RALYL: variants seen among roughly 807,000 people sequenced by gnomAD.
The protein encoded by RALYL is RALY RNA binding protein like, also known as RNA-binding Raly-like protein.
Under a neutral mutation model 35.1 loss-of-function variants are expected in RALYL, and 29 were observed. That is an observed-to-expected ratio of 0.83 (90% CI 0.61 to 1.13). RALYL has a LOEUF of 1.13. RALYL is among the 50% of genes most tolerant of loss of function. The pLI is 0.00. For missense variants in RALYL, 359 were observed against 360.4 expected (o/e 1.00, Z 0.03); for synonymous variants, 120 against 127.6 (o/e 0.94, Z 0.40).
At position 84,228,747 on chromosome 8, in the gene RALYL, G is replaced by T. The variant is rs200714662; in HGVS notation, c.-24+44323G>T. 2.6e-5 allele frequency among the ~76,000 whole-genome samples: 4 copies of T among 152,282 alleles called. No individual in the cohort carries two copies. The East Asian group carries it at 7.7e-4, about 29-fold the overall frequency. On this transcript the variant is annotated intron_variant, in intron 1 of 8. Transcript: ENST00000521268. ...CTCACAGATCTGCATGGCTTGGGAG[G>T]CCTCAGGACACCTACGGTCATGGCA...
At chr8:84,425,038 C>T (rs1343806768) in intron 1 of RALYL, among the ~76,000 whole-genome samples, 1 of 152,208 alleles carries the variant, frequency 6.6e-6, no homozygotes, top group Non-Finnish European at 1.5e-5. Context: ...GTGGAGCCTA[C>T]AGAGGCAGGC....
chr8:84,375,487 C>T (rs182490438), intron 1 of RALYL, among the ~76,000 whole-genome samples: 1 of 151,606 alleles, frequency 6.6e-6, no homozygotes, highest in African/African-American at 2.4e-5. Context: ...GTATTTTATA[C>T]CTAATTTAAT....
chr8:84,351,292 C>T (rs1019629666), intron 1 of RALYL, among the ~76,000 whole-genome samples: 1 of 150,058 alleles, frequency 6.7e-6, no homozygotes, highest in African/African-American at 2.5e-5. Flanking sequence ...TTTTCTGAAA[C>T]TGTCATGATA....
chr8:84,365,013 T>A (rs781368996), intron 1 of RALYL, among the ~76,000 whole-genome samples: 4 of 152,158 alleles, frequency 2.6e-5, no homozygotes, highest in Non-Finnish European at 5.9e-5. Context: ...CCTATGGGAA[T>A]GATAGACGCT....
At chr8:84,202,345 T>C (rs1408482704) in intron 1 of RALYL, among the ~76,000 whole-genome samples, 2 of 151,364 alleles carry the variant, frequency 1.3e-5, no homozygotes, top group East Asian at 3.9e-4. Flanking sequence ...CATGTATAAG[T>C]ATTATATGAT....
intron 3 of RALYL, among the ~76,000 whole-genome samples, chr8:84,804,343 C>G (rs1458537145): frequency 6.6e-6 from 1 of 152,182 alleles, no homozygotes; most frequent in African/African-American, 2.4e-5. Flanking sequence ...TATGCTGCTT[C>G]TCTCTTCTGA....
intron 2 of RALYL, among the ~76,000 whole-genome samples, chr8:84,717,110 C>G (rs1843063962): frequency 6.6e-6 from 1 of 152,200 alleles, no homozygotes; most frequent in Non-Finnish European, 1.5e-5. Context: ...TTGCTTGAAC[C>G]CAGGAGGCGG....
chr8:84,846,653 T>C (rs1834732317), intron 4 of RALYL, among the ~76,000 whole-genome samples: 1 of 152,202 alleles, frequency 6.6e-6, no homozygotes, highest in African/African-American at 2.4e-5. Context: ...TGAGCTTTTA[T>C]TGATTGGTAG....
intron 2 of RALYL, among the ~76,000 whole-genome samples, chr8:84,725,348 T>A (rs1183712712): frequency 6.6e-6 from 1 of 151,728 alleles, no homozygotes; most frequent in Non-Finnish European, 1.5e-5. Context: ...AAATTTGATT[T>A]GTGGTAATGG....
chr8:84,687,444 G>A (rs933249605), intron 2 of RALYL, among the ~76,000 whole-genome samples: 1 of 152,008 alleles, frequency 6.6e-6, no homozygotes, highest in Non-Finnish European at 1.5e-5. Context: ...CAACTGATTA[G>A]GTTAATTGAT....
chr8:84,579,423 G>A (rs1009746724), intron 2 of RALYL, among the ~76,000 whole-genome samples: 2 of 152,174 alleles, frequency 1.3e-5, no homozygotes, highest in South Asian at 2.1e-4. Flanking sequence ...GTGCCCAGGA[G>A]CGTGGGGCTC....
rs111304294 is a variant in RALYL at position 84,871,071 on chromosome 8, C to A, written c.572-2213C>A. ...TCACTTTAACATTTCCTGGTAGGGT[C>A]CAGGAAAGAACTGACAGGATTTCCG... On this transcript the variant is annotated intron_variant, in intron 6 of 8. Transcript: ENST00000521268. 5.2e-3 allele frequency among the ~76,000 whole-genome samples: 791 copies of A among 152,216 alleles called. 5 individuals are homozygous for A. Among genetic ancestry groups the A allele is most frequent in the African/African-American group, 0.018 (756 of 41,548 alleles).
chr8:84,183,156 C>A, upstream of RALYL: 1 of 160,444 alleles, frequency 6.2e-6, no homozygotes, highest in South Asian at 1.7e-4. Flanking sequence ...GCGGCGGCAG[C>A]TGCGCGCCTC....
At chr8:84,428,871 T>C (rs893767673) in intron 1 of RALYL, among the ~76,000 whole-genome samples, 2 of 152,222 alleles carry the variant, frequency 1.3e-5, no homozygotes, top group Non-Finnish European at 2.9e-5. Flanking sequence ...TGTCTATTAA[T>C]ACATTATGAC....
intron 1 of RALYL, among the ~76,000 whole-genome samples, chr8:84,359,304 A>C (rs1278963933): frequency 6.6e-6 from 1 of 151,636 alleles, no homozygotes; most frequent in African/African-American, 2.4e-5. Flanking sequence ...TTAGGTTTCT[A>C]CTGAATTAGC....
chr8:84,320,816 A>C (rs897316837), intron 1 of RALYL, among the ~76,000 whole-genome samples: 1 of 152,120 alleles, frequency 6.6e-6, no homozygotes, highest in African/African-American at 2.4e-5. Context: ...TAGATTCTTC[A>C]TGAATCCAGC....
intron 2 of RALYL, among the ~76,000 whole-genome samples, chr8:84,707,649 G>T (rs28676726): frequency 0.19 from 29,441 of 151,900 alleles, 3,104 homozygotes; most frequent in Non-Finnish European, 0.23. Context: ...AAACTAATGT[G>T]TTACTTAAAT....
intron 1 of RALYL, among the ~76,000 whole-genome samples, chr8:84,223,414 C>CT (rs552873415): frequency 3.2e-4 from 48 of 152,150 alleles, no homozygotes; most frequent in African/African-American, 1.1e-3. Flanking sequence ...AAGCATTTGC[C>CT]TTTTTGGTGG....
At chr8:84,671,105 C>A (rs1016584794) in intron 2 of RALYL, among the ~76,000 whole-genome samples, 8 of 152,112 alleles carry the variant, frequency 5.3e-5, no homozygotes. Flanking sequence ...GGTCTATAGG[C>A]CCTATGCAAG....
Sources: allele counts gnomAD v4.1 joint callset (sites outside exome capture counted in the v4.1 genomes callset), GRCh38; gene constraint gnomAD v4.1.1; transcripts MANE v1.5; gene names NCBI Gene and HGNC (gene_info 2026-07-23, HGNC 2026-07-21).